The following KIFC3 variants were observed in gnomAD, a reference collection of about 807,000 sequenced individuals.
KIFC3 encodes kinesin family member C3.
In KIFC3, 60 loss-of-function variants were observed where a neutral mutation model predicts 101.8. The ratio of observed to expected loss-of-function variants is 0.59; its 90% CI spans 0.48 to 0.73. The LOEUF is 0.73. Ranked by LOEUF, KIFC3 falls within the 30% of genes least tolerant of loss-of-function variation. The pLI, the probability that KIFC3 is intolerant of heterozygous loss-of-function variation, is 0.00. For synonymous variants in KIFC3, 476 were observed against 482.7 expected, an observed-to-expected ratio of 0.99 and a Z score of 0.18; for missense variants, 966 against 1,137.1, an observed-to-expected ratio of 0.85 and a Z score of 2.16.
At chr16:57,841,629 T>G (rs1231426834) in intron 1 of KIFC3, among the ~76,000 whole-genome samples, 2 of 152,136 alleles carry the variant, frequency 1.3e-5, no homozygotes, top group African/African-American at 2.4e-5. Flanking sequence ...ATCGTGCCAC[T>G]GCACTCCAGC....
At chr16:57,768,507 T>TCACACACA (rs1384372811) in intron 9 of KIFC3, among the ~76,000 whole-genome samples, 1 of 12,572 alleles carries the variant, frequency 8.0e-5, no homozygotes, top group African/African-American at 3.5e-4. Flanking sequence ...TACCATATAT[T>TCACACACA]CTCACACACA....
intron 1 of KIFC3, among the ~76,000 whole-genome samples, chr16:57,855,702 G>A (rs1249851103): frequency 6.6e-6 from 1 of 151,910 alleles, no homozygotes; most frequent in African/African-American, 2.4e-5. Flanking sequence ...TCTCAGCCCT[G>A]TGGGAGACCA....
chr16:57,785,874 T>C (rs1274156190), intron 3 of KIFC3, among the ~76,000 whole-genome samples: 2 of 152,014 alleles, frequency 1.3e-5, no homozygotes, highest in Non-Finnish European at 2.9e-5. Flanking sequence ...CCAGGCAGCA[T>C]CTGGGGGATG....
Position 57,770,535 on chromosome 16 carries a change from G to T in KIFC3, c.931C>A (p.Arg311=). ...CCACACAGCCTGGGTACCTGCGCCC[G>T]GAGCCGCGCGGTCAGCTGGTGTGAG... The part of the protein sequence containing the change: ...QSSHQLTARL[R]AQIAMYESEL... The change falls in exon 7 of 20, where the codon CGG becomes AGG. Residue 311 remains arginine (R), a synonymous_variant. Transcript: ENST00000445690. 6.9e-7 allele frequency: 1 copy of T among 1,440,912 alleles called. No individual in the cohort carries two copies. 89.3% of individuals were successfully genotyped at this position (1,440,912 alleles called of 1,614,324 possible).
At position 57,812,711 on chromosome 16, in the gene KIFC3, G is replaced by A. The variant is rs1220898343; in HGVS notation, c.109-14429C>T. Among the ~76,000 whole-genome samples, 6 of 152,232 alleles carry A rather than the reference G, an allele frequency of 3.9e-5. 1 individual carries two copies. The highest frequency in any genetic ancestry group is 7.3e-5 in the Non-Finnish European group (5 of 68,040). ...ATGAGGTGTTGCTCAGACAGGGAGG[G>A]CCTGGAAACAAAGCCTGGACTGGAA... On this transcript the variant is annotated intron_variant, in intron 1 of 2. Coordinates refer to the KIFC3 transcript ENST00000563028.
At chr16:57,786,542 T>C (rs1194117667) in intron 3 of KIFC3, among the ~76,000 whole-genome samples, 1 of 151,028 alleles carries the variant, frequency 6.6e-6, no homozygotes, top group Non-Finnish European at 1.5e-5. Flanking sequence ...GGAGGAGGGA[T>C]GGGGGGTTTG....
chr16:57,845,502 A>G (rs423766), intron 1 of KIFC3, among the ~76,000 whole-genome samples: 127,431 of 152,080 alleles, frequency 0.84, 53,581 homozygotes, highest in East Asian at 0.95. Flanking sequence ...TATCCCTCCC[A>G]ACACCTTTGC....
chr16:57,814,432 T>A (rs1568079404), intron 1 of KIFC3, among the ~76,000 whole-genome samples: 1 of 152,124 alleles, frequency 6.6e-6, no homozygotes, highest in Non-Finnish European at 1.5e-5. Context: ...TTAGGGTAAG[T>A]CTCTGAGCCT....
In KIFC3 at chr16:57,771,722, G is replaced by A. The variant is rs782164032; in HGVS notation, c.382-36C>T. ...CCAGGGCCGAGGGGGCGCATGTGGC[G>A]AGGGCAGATGACGGGGGAAAGAAGA... On this transcript the variant is annotated intron_variant, in intron 4 of 19. Transcript: ENST00000445690. The A allele has an allele frequency of 1.2e-5, 19 of 1,589,298 alleles. No individual in the cohort carries two copies. In the East Asian group the frequency reaches 1.8e-4, roughly 15 times the overall value.
At chr16:57,781,889 T>C (rs1483016331) in intron 3 of KIFC3, 4 of 978,242 alleles carry the variant, frequency 4.1e-6, no homozygotes, top group Non-Finnish European at 3.6e-6. Flanking sequence ...AACTCGCATC[T>C]GGCTGACCCT....
intron 1 of KIFC3, among the ~76,000 whole-genome samples, chr16:57,812,019 G>GGTT (rs1304845536): frequency 1.3e-5 from 2 of 150,444 alleles, no homozygotes; most frequent in African/African-American, 4.9e-5. Context: ...CTACAGCCTA[G>GGTT]GTGACAGAGC....
Position 57,802,330 on chromosome 16 carries a change from C to T in KIFC3, c.-40+40G>A, listed in dbSNP as rs1183023950. The T allele has an allele frequency of 3.2e-6, 3 of 946,496 alleles. No individual in the cohort carries two copies. The highest frequency in any genetic ancestry group is 3.8e-6 in the Non-Finnish European group (3 of 795,158). The allele number at this position is 946,496 out of a possible 1,614,324, so 58.6% of individuals were successfully genotyped here. A position where few individuals can be genotyped will look rare whatever the true frequency, so the allele number is the denominator to read the frequency against. ...AAACGGCGGGCCGGGCAGAGCCCAG[C>T]GCCCCGCTCGCACCCAGCCCGCCCG... On this transcript the variant is annotated intron_variant, in intron 1 of 19. Transcript: ENST00000445690. This position sits in a 1 kb window ranked among gnomAD's most constrained non-coding sequence, Gnocchi z 5.0.
chr16:57,787,032 G>A (rs560439744), intron 3 of KIFC3, among the ~76,000 whole-genome samples: 9 of 152,342 alleles, frequency 5.9e-5, no homozygotes, highest in East Asian at 3.9e-4. Flanking sequence ...TGGCCTGCAC[G>A]TGATGCAGCA....
At chr16:57,833,752 C>T (rs2055631282) in intron 1 of KIFC3, among the ~76,000 whole-genome samples, 1 of 152,072 alleles carries the variant, frequency 6.6e-6, no homozygotes, top group South Asian at 2.1e-4. Context: ...TTTATGGCCA[C>T]CTGTCTCTAA....
chr16:57,790,024 A>G (rs1014576196), intron 3 of KIFC3, among the ~76,000 whole-genome samples: 3 of 149,058 alleles, frequency 2.0e-5, no homozygotes, highest in Non-Finnish European at 4.4e-5. Context: ...GGCATGAGCC[A>G]CTGCGCCTGG....
At chr16:57,801,722 T>G (rs1302918918) in intron 1 of KIFC3, among the ~76,000 whole-genome samples, 1 of 152,210 alleles carries the variant, frequency 6.6e-6, no homozygotes, top group Non-Finnish European at 1.5e-5. Context: ...CACAGCTTCC[T>G]CTTTAATATC....
At chr16:57,760,094 G>A (rs1246195688) in intron 17 of KIFC3, 188 bp downstream of exon 17, 3 of 735,324 alleles carry the variant, frequency 4.1e-6, no homozygotes, top group South Asian at 1.8e-5. Context: ...AGGAACCTCC[G>A]AGGCCAAGAA....
At chr16:57,787,797 C>T (rs1598087362) in intron 3 of KIFC3, among the ~76,000 whole-genome samples, 1 of 152,216 alleles carries the variant, frequency 6.6e-6, no homozygotes, top group Admixed American at 6.5e-5. Flanking sequence ...CAGGCCAGAA[C>T]CCCAGAACAG....
In KIFC3 at chr16:57,813,457, G is replaced by A. The variant is rs113994441; in HGVS notation, c.109-15175C>T. On this transcript the variant is annotated intron_variant, in intron 1 of 2. Coordinates refer to the KIFC3 transcript ENST00000563028. The stretch of plus-strand genomic sequence containing the variant: ...CCAGATAACCCAGAAAGCACGCACT[G>A]CCCCCACGCTACTCCACCCCCTCCA... 5.1e-3 allele frequency among the ~76,000 whole-genome samples: 777 copies of A among 152,126 alleles called. 9 individuals carry two copies. The highest frequency in any genetic ancestry group is 0.016 in the African/African-American group (669 of 41,474).
Sources: allele counts gnomAD v4.1 joint callset (sites outside exome capture counted in the v4.1 genomes callset), GRCh38; gene constraint gnomAD v4.1.1; non-coding constraint Gnocchi (gnomAD v3.1); transcripts MANE v1.5; gene names NCBI Gene and HGNC (gene_info 2026-07-23, HGNC 2026-07-21).